The following DAG1 variants were observed in gnomAD, a reference collection of about 807,000 sequenced individuals.
DAG1 encodes the protein dystroglycan 1.
Under a neutral mutation model 46.1 loss-of-function variants are expected in DAG1, and 8 were observed. That is an observed-to-expected ratio of 0.17 (90% CI 0.10 to 0.31). DAG1 has a LOEUF of 0.31. DAG1 is among the 10% of genes least tolerant of loss of function. The pLI is 1.00. For missense variants in DAG1, 1,003 were observed against 1,189.9 expected, an observed-to-expected ratio of 0.84 and a Z score of 2.31; for synonymous variants, 495 against 481.8, an observed-to-expected ratio of 1.03 and a Z score of -0.36.
chr3:49,525,055 A>G (rs2051130290), intron 2 of DAG1, among the ~76,000 whole-genome samples: 1 of 152,060 alleles, frequency 6.6e-6, no homozygotes, highest in South Asian at 2.1e-4. Context: ...GTACCACTCA[A>G]AGTGCTGCTT....
chr3:49,509,121 A>T (rs190403314), intron 1 of DAG1, among the ~76,000 whole-genome samples: 113 of 152,294 alleles, frequency 7.4e-4, no homozygotes, highest in African/African-American at 2.6e-3. Context: ...GGGTTTTTTT[A>T]AAAAGTAAAT....
chr3:49,488,991 C>G (rs1559552629), intron 1 of DAG1, among the ~76,000 whole-genome samples: 1 of 152,096 alleles, frequency 6.6e-6, no homozygotes, highest in Non-Finnish European at 1.5e-5. Flanking sequence ...TTGTGGAGAG[C>G]TACTGAAGAA....
rs192150892 is a variant in DAG1 at position 49,473,569 on chromosome 3, C to T, written c.-117+3136C>T. On this transcript the variant is annotated intron_variant, in intron 1 of 2. Transcript: ENST00000308775. The stretch of plus-strand genomic sequence containing the variant: ...TGTGGAGGCAGTTGAGAGCATATTT[C>T]ATTTCTTTTCTTCCTTTTTTTTTTT... Among the ~76,000 whole-genome samples the T allele has an allele frequency of 4.7e-3, 714 of 151,944 alleles. 9 individuals carry two copies. The highest frequency in any genetic ancestry group is 0.016 in the African/African-American group (644 of 41,474).
intron 1 of DAG1, among the ~76,000 whole-genome samples, chr3:49,479,729 CTGGGTT>C (rs1363328591): frequency 7.2e-6 from 1 of 137,978 alleles, no homozygotes; most frequent in African/African-American, 2.7e-5. Context: ...CCTCCGCCTC[CTGGGTT>C]CAATTGATTC....
intron 1 of DAG1, among the ~76,000 whole-genome samples, chr3:49,478,924 C>T (rs890716983): frequency 3.4e-5 from 5 of 148,730 alleles, no homozygotes; most frequent in Non-Finnish European, 4.4e-5. Context: ...AGCGATTCTC[C>T]TGCCTCAGCC....
chr3:49,473,507 G>A (rs1240042308), intron 1 of DAG1, among the ~76,000 whole-genome samples: 3 of 152,072 alleles, frequency 2.0e-5, no homozygotes, highest in Admixed American at 6.5e-5. Flanking sequence ...CGCACAGCAG[G>A]CATCTTAACC....
In DAG1 at chr3:49,533,455, G is replaced by A. The variant is rs777041737; in HGVS notation, c.*256G>A. 50 of 660,254 alleles carry A rather than the reference G, an allele frequency of 7.6e-5. No homozygotes were observed. Among genetic ancestry groups the A allele is most frequent in the Non-Finnish European group, 1.2e-4 (43 of 360,336 alleles). The allele number at this position is 660,254 out of a possible 1,614,324, so 40.9% of individuals were successfully genotyped here. A position where few individuals can be genotyped will look rare whatever the true frequency, so the allele number is the denominator to read the frequency against. On this transcript the variant is annotated 3_prime_UTR_variant, in exon 3 of 3. Coordinates refer to ENST00000308775, the MANE Select transcript of DAG1 (RefSeq NM_004393.6). ...TTGGTTTGTTCATAGAGAATTCTTC[G>A]CTTCATTTTTGATGGCTGGCTCTGA... is the stretch of plus-strand genomic sequence containing the variant.
intron 1 of DAG1, among the ~76,000 whole-genome samples, chr3:49,496,292 G>A (rs1031437344): frequency 9.9e-5 from 15 of 151,568 alleles, no homozygotes; most frequent in Non-Finnish European, 8.8e-5. Context: ...CCCACCTCAG[G>A]CCAAGTAGCT....
chr3:49,472,994 G>A (rs1340265805), intron 1 of DAG1, among the ~76,000 whole-genome samples: 5 of 149,568 alleles, frequency 3.3e-5, no homozygotes, highest in African/African-American at 1.2e-4. Context: ...GGTGGCGGGC[G>A]CCTTTAATCG....
upstream of DAG1, among the ~76,000 whole-genome samples, chr3:49,469,590 G>A (rs1224866157): frequency 3.9e-5 from 6 of 152,192 alleles, no homozygotes; most frequent in African/African-American, 1.4e-4. Flanking sequence ...CAGGCAGGGG[G>A]AGGGGACGAG....
At chr3:49,515,628 C>A (rs2050878280) in intron 2 of DAG1, among the ~76,000 whole-genome samples, 1 of 151,574 alleles carries the variant, frequency 6.6e-6, no homozygotes, top group South Asian at 2.1e-4. Flanking sequence ...TCAAGTGATC[C>A]TACTGCCTCA....
chr3:49,469,865 C>T (rs1302896543), upstream of DAG1, among the ~76,000 whole-genome samples: 1 of 152,226 alleles, frequency 6.6e-6, no homozygotes, highest in African/African-American at 2.4e-5. Context: ...GTTCGCAGTC[C>T]TGACTGTCCC....
chr3:49,505,177 T>G (rs1324121336), intron 1 of DAG1, among the ~76,000 whole-genome samples: 1 of 151,914 alleles, frequency 6.6e-6, no homozygotes, highest in Non-Finnish European at 1.5e-5. Flanking sequence ...AGATGAGGTC[T>G]TACTGTGTTG....
chr3:49,485,426 A>C (rs1036340971), intron 1 of DAG1, among the ~76,000 whole-genome samples: 3 of 152,136 alleles, frequency 2.0e-5, no homozygotes, highest in Admixed American at 6.6e-5. Context: ...TTTGAGGTGG[A>C]AGTTGCCCTA....
At chr3:49,505,133 C>T (rs1372274881) in intron 1 of DAG1, among the ~76,000 whole-genome samples, 1 of 151,900 alleles carries the variant, frequency 6.6e-6, no homozygotes, top group East Asian at 1.9e-4. Context: ...AGCTGCATGC[C>T]ACCACACTTG....
intron 1 of DAG1, among the ~76,000 whole-genome samples, chr3:49,497,132 C>T (rs2050334668): frequency 6.6e-6 from 1 of 151,038 alleles, no homozygotes; most frequent in Non-Finnish European, 1.5e-5. Flanking sequence ...GACCCTGTCT[C>T]TACAAAATAA....
chr3:49,512,734 G>A (rs2050796937), intron 2 of DAG1, among the ~76,000 whole-genome samples: 1 of 151,526 alleles, frequency 6.6e-6, no homozygotes, highest in Non-Finnish European at 1.5e-5. Context: ...TTGGGAGGCT[G>A]AGGGAGGCAG....
chr3:49,522,128 C>A (rs2107782169), intron 2 of DAG1, among the ~76,000 whole-genome samples: 1 of 152,268 alleles, frequency 6.6e-6, no homozygotes, highest in Admixed American at 6.5e-5. Context: ...CTCCCGGGTT[C>A]AAGCAATTCT....
chr3:49,493,140 G>T (rs1242460224), intron 1 of DAG1, among the ~76,000 whole-genome samples: 3 of 142,238 alleles, frequency 2.1e-5, no homozygotes, highest in African/African-American at 7.8e-5. Context: ...AACCTCCCAG[G>T]CTCAAGCGAT....
Sources: gnomAD v4.1 joint callset for allele counts (sites outside exome capture counted in the v4.1 genomes callset) on GRCh38, gnomAD v4.1.1 for gene constraint, MANE v1.5 for transcripts, NCBI Gene and HGNC (gene_info 2026-07-23, HGNC 2026-07-21) for gene names.